POLN: variants seen among roughly 807,000 people sequenced by gnomAD.
POLN encodes DNA polymerase N.
In POLN, 108 loss-of-function variants were observed where a neutral mutation model predicts 113.5. That is an observed-to-expected ratio of 0.95 (90% CI 0.81 to 1.12). The LOEUF (loss-of-function observed/expected upper bound fraction) is 1.12. Ranked by LOEUF, POLN falls within the 50% of genes most tolerant of loss-of-function variation. The pLI is 0.00. For synonymous variants in POLN, 386 were observed against 391.5 expected, an observed-to-expected ratio of 0.99 and a Z score of 0.17; for missense variants, 1,097 against 1,077.1, an observed-to-expected ratio of 1.02 and a Z score of -0.26.
intron 21 of POLN, chr4:2,083,024 A>G (rs540253499): frequency 1.3e-5 from 2 of 151,654 alleles, no homozygotes; most frequent in Non-Finnish European, 2.9e-5. Flanking sequence ...TCTAACAAGG[A>G]CTCTCCGCTC....
Position 2,171,150 on chromosome 4 carries a change from T to C in POLN, c.1406A>G (p.His469Arg). ...ARLKELEQEAHFVAGERFLIT... is the reference protein window; with the variant it reads ...ARLKELEQEARFVAGERFLIT... Reference sequence around the variant, plus strand: ...AAGAAACCGTTCTCCTGCAACAAAATGAGCTTCTTGCTCCAATTCCTTGAG... The same window carrying C: ...AAGAAACCGTTCTCCTGCAACAAAACGAGCTTCTTGCTCCAATTCCTTGAG... The change falls in exon 12 of 26, where the codon CAT (histidine) becomes CGT (arginine). Residue 469 changes from histidine (H) to arginine (R), a missense_variant. Transcript: ENST00000511885. The C allele has an allele frequency of 6.2e-7, 1 of 1,613,592 alleles. No individual in the cohort carries two copies. Among genetic ancestry groups the C allele is most frequent in the Middle Eastern group, 1.7e-4 (1 of 6,060 alleles).
At chr4:2,144,866 C>T (rs1483672016) in intron 16 of POLN, among the ~76,000 whole-genome samples, 1 of 152,110 alleles carries the variant, frequency 6.6e-6, no homozygotes, top group African/African-American at 2.4e-5. Flanking sequence ...AGCAACGGAA[C>T]GATGACCACG....
Position 2,111,729 on chromosome 4 carries a change from T to G in POLN, c.1983-15796A>C, listed in dbSNP as rs984771940. On this transcript the variant is annotated intron_variant, in intron 19 of 25. Coordinates refer to ENST00000511885, the MANE Select transcript of POLN (RefSeq NM_181808.4). ...AGGAGAACTACAAACCACTGCTCAA[T>G]GAAATAAAAGAGGATACAAACAAAT... Among the ~76,000 whole-genome samples the G allele has an allele frequency of 9.3e-4, 141 of 152,068 alleles. 1 individual carries two copies. Among genetic ancestry groups the G allele is most frequent in the Middle Eastern group, 6.8e-3 (2 of 294 alleles).
chr4:2,132,463 A>C (rs933784345), intron 16 of POLN, among the ~76,000 whole-genome samples: 1 of 152,248 alleles, frequency 6.6e-6, no homozygotes, highest in Non-Finnish European at 1.5e-5. Flanking sequence ...AATTTAGTGA[A>C]AGACATACTT....
At chr4:2,139,463 T>C (rs1445349638) in intron 16 of POLN, among the ~76,000 whole-genome samples, 2 of 152,208 alleles carry the variant, frequency 1.3e-5, no homozygotes, top group African/African-American at 4.8e-5. Flanking sequence ...AAAATAGCAA[T>C]GTGCGCTGCA....
intron 2 of POLN, among the ~76,000 whole-genome samples, chr4:2,237,110 T>C (rs1336693292): frequency 1.3e-5 from 2 of 152,038 alleles, no homozygotes; most frequent in Non-Finnish European, 2.9e-5. Flanking sequence ...ACTTCAGAGA[T>C]AACCTCCAAA....
intron 13 of POLN, 105 bp downstream of exon 13, chr4:2,170,574 A>G (rs1404588347): frequency 2.1e-6 from 2 of 956,112 alleles, no homozygotes; most frequent in East Asian, 2.5e-5. Flanking sequence ...TGCTGCCAGC[A>G]TGAGGGGACG....
chr4:2,128,094 G>A lies in POLN; in HGVS notation c.1982+19C>T, dbSNP rs894825958. The A allele has an allele frequency of 4.2e-6, 6 of 1,444,400 alleles. No individual in the cohort carries two copies. The highest frequency in any genetic ancestry group is 1.4e-5 in the African/African-American group (1 of 71,464). 89.5% of individuals were successfully genotyped at this position (1,444,400 alleles called of 1,614,324 possible). ...GCCTTCCTGCAGATCTGATAATATT[G>A]TGAGTTCATATATCTTACCACTGTG... On this transcript the variant is annotated intron_variant, in intron 19 of 25. Transcript: ENST00000511885.
intron 20 of POLN, among the ~76,000 whole-genome samples, chr4:2,092,299 A>AG (rs1169101829): frequency 1.3e-5 from 2 of 152,232 alleles, no homozygotes; most frequent in African/African-American, 4.8e-5. Context: ...AGAAGACCCA[A>AG]GGATTTGACT....
At chr4:2,210,726 G>T (rs2108765361) in intron 4 of POLN, among the ~76,000 whole-genome samples, 1 of 149,580 alleles carries the variant, frequency 6.7e-6, no homozygotes, top group Admixed American at 6.7e-5. Context: ...TTCAAGACCA[G>T]CCTGGCCAAT....
At chr4:2,120,603 C>T (rs774267602) in intron 19 of POLN, among the ~76,000 whole-genome samples, 1 of 151,962 alleles carries the variant, frequency 6.6e-6, no homozygotes, top group African/African-American at 2.4e-5. Context: ...AAGTGATTCT[C>T]CTGTCTCAGT....
chr4:2,091,807 G>GCA (rs1339154454), intron 20 of POLN, among the ~76,000 whole-genome samples: 13 of 148,602 alleles, frequency 8.7e-5, no homozygotes, highest in African/African-American at 2.9e-4. Flanking sequence ...GTGTGCGCGC[G>GCA]CTACAATTTG....
At chr4:2,101,536 A>G (rs1327275599) in intron 19 of POLN, among the ~76,000 whole-genome samples, 1 of 152,218 alleles carries the variant, frequency 6.6e-6, no homozygotes, top group African/African-American at 2.4e-5. Context: ...GGATTGTACA[A>G]TCCAGGCCAT....
chr4:2,107,697 G>A (rs922345328), intron 19 of POLN, among the ~76,000 whole-genome samples: 1 of 152,198 alleles, frequency 6.6e-6, no homozygotes. Context: ...TAGGAGAGAG[G>A]AAGAGGGGAG....
intron 16 of POLN, among the ~76,000 whole-genome samples, chr4:2,155,833 A>G (rs926068016): frequency 3.3e-5 from 5 of 152,036 alleles, no homozygotes; most frequent in East Asian, 1.9e-4. Flanking sequence ...ATTTTTGTAG[A>G]AAAAAATTGT....
At chr4:2,224,380 C>CT (rs1454476411) in intron 3 of POLN, among the ~76,000 whole-genome samples, 3 of 151,998 alleles carry the variant, frequency 2.0e-5, no homozygotes, top group East Asian at 3.9e-4. Context: ...TTACAATTAG[C>CT]TTTTTTTTCA....
intron 3 of POLN, among the ~76,000 whole-genome samples, chr4:2,223,151 A>G (rs1427410600): frequency 6.6e-6 from 1 of 152,098 alleles, no homozygotes; most frequent in African/African-American, 2.4e-5. Flanking sequence ...GTTGGCACAG[A>G]TATATACAAG....
chr4:2,171,322 G>A, intron 11 of POLN, 141 bp from the exon 12 acceptor site: 4 of 641,892 alleles, frequency 6.2e-6, no homozygotes, highest in South Asian at 4.0e-5. Context: ...GGAGGCTGAG[G>A]CAGGAGGATC....
chr4:2,081,129 C>G, intron 22 of POLN, 93 bp from the exon 23 acceptor site: 1 of 1,605,290 alleles, frequency 6.2e-7, no homozygotes, highest in Non-Finnish European at 8.5e-7. Context: ...CTCACGGTAC[C>G]TCCACACAGA....
Sources: allele counts gnomAD v4.1 joint callset (sites outside exome capture counted in the v4.1 genomes callset), GRCh38; gene constraint gnomAD v4.1.1; transcripts MANE v1.5; gene names NCBI Gene and HGNC (gene_info 2026-07-23, HGNC 2026-07-21).